The following RPAP1 variants were observed in gnomAD, a reference collection of about 807,000 sequenced individuals.
RPAP1 encodes the protein RNA polymerase II associated protein 1.
RPAP1 carries 109 observed loss-of-function variants against 142.4 expected under a neutral mutation model. That is an observed-to-expected ratio of 0.77 (90% confidence interval 0.66 to 0.90). The LOEUF (loss-of-function observed/expected upper bound fraction) is 0.90. Among genes scored for constraint, RPAP1 ranks in the 40% least tolerant of loss-of-function variants. RPAP1 has a pLI of 0.00. For missense variants in RPAP1, 1,546 were observed against 1,751.7 expected, an observed-to-expected ratio of 0.88 and a Z score of 2.10; for synonymous variants, 704 against 738.9, an observed-to-expected ratio of 0.95 and a Z score of 0.77.
chr15:41,537,219 T>A lies in RPAP1; in HGVS notation c.-76-18A>T. The A allele has an allele frequency of 1.6e-6, 2 of 1,251,976 alleles. No individual in the cohort carries two copies. Among genetic ancestry groups the A allele is most frequent in the Non-Finnish European group, 2.2e-6 (2 of 898,338 alleles). 77.6% of individuals were successfully genotyped at this position (1,251,976 alleles called of 1,614,324 possible). Reference sequence around the variant, plus strand: ...ATTCATCCCTAAGAGCAAGAAAGAATATGGGCCCTCTGCAACTGAACCCTG... The same window carrying A: ...ATTCATCCCTAAGAGCAAGAAAGAAAATGGGCCCTCTGCAACTGAACCCTG... On this transcript the variant is annotated intron_variant, in intron 1 of 24. Coordinates refer to ENST00000304330, the MANE Select transcript of RPAP1 (RefSeq NM_015540.4).
chr15:41,537,324 C>T (rs2051922311), intron 1 of RPAP1, 123 bp from the exon 2 acceptor site: 2 of 582,496 alleles, frequency 3.4e-6, no homozygotes, highest in Admixed American at 3.1e-5. Context: ...TCATACCTTA[C>T]TGCCATTCCC....
At chr15:41,535,437 A>C in intron 5 of RPAP1, 75 bp downstream of exon 5, 1 of 1,511,720 alleles carries the variant, frequency 6.6e-7, no homozygotes, top group Admixed American at 2.3e-5. Flanking sequence ...AGGCAGGAAG[A>C]CATATCTTCA....
Position 41,521,753 on chromosome 15 carries a change from C to A in RPAP1, c.3023G>T (p.Arg1008Leu). ...THELLLSCVF[R>L]LEFLPERTSG... is the part of the protein sequence containing the mutation. ...AAGCACTTACGGGAGGAACTCCAGC[C>A]GGAATACACAGCTCAGCAGCAGCTC... The change falls in exon 21 of 25, where the codon CGG (arginine) becomes CTG (leucine). Residue 1008 changes from arginine to leucine, a missense_variant. By Grantham distance (102) the Arg-to-Leu change is moderately radical. Around this residue, in one of 3 missense-constraint regions of RPAP1, gnomAD observed 1,333 missense variants for 1,486.6 expected, o/e 0.90. Transcript: ENST00000304330. 1 of 1,614,046 alleles carries A rather than the reference C, an allele frequency of 6.2e-7. No homozygotes were observed. The highest frequency in any genetic ancestry group is 1.1e-5 in the South Asian group (1 of 91,056).
At chr15:41,522,574 G>C (rs2051739160) in intron 19 of RPAP1, 191 bp downstream of exon 19, 1 of 575,452 alleles carries the variant, frequency 1.7e-6, no homozygotes, top group South Asian at 2.4e-5. Context: ...ATTTTTAGTA[G>C]AGATGGGGTT....
At position 41,520,734 on chromosome 15, in the gene RPAP1, G is replaced by A; in HGVS notation, c.3452C>T (p.Pro1151Leu). ...SWRPQALWAV[P>L]PAARLARLMC... ...GAGCCGTGCCAGGCGGGCAGCAGGG[G>A]GCACAGCCCAGAGAGCCTGGGGGCG... is the stretch of plus-strand genomic sequence containing the variant. The change falls in exon 22 of 25, where the codon CCC becomes CTC. Residue 1151 changes from proline to leucine, a missense_variant. Pro to Leu is a moderately conservative substitution (Grantham distance 98). Transcript: ENST00000304330. 6.2e-7 allele frequency: 1 copy of A among 1,613,954 alleles called. No homozygotes were observed. The highest frequency in any genetic ancestry group is 8.5e-7 in the Non-Finnish European group (1 of 1,180,030).
intron 7 of RPAP1, 45 bp downstream of exon 7, chr15:41,530,978 C>T (rs571601816): frequency 3.8e-6 from 6 of 1,562,084 alleles, no homozygotes; most frequent in South Asian, 3.4e-5. Context: ...GGGACAATTT[C>T]CCCTACTTTT....
chr15:41,524,056 G>A (rs749246867), intron 16 of RPAP1, 40 bp downstream of exon 16: 2 of 1,599,768 alleles, frequency 1.3e-6, no homozygotes, highest in Non-Finnish European at 1.7e-6. Context: ...CCCTGTGGAG[G>A]AGCCCTCCAC....
chr15:41,523,531 G>C (rs2051754370), intron 17 of RPAP1, among the ~76,000 whole-genome samples, 177 bp from the exon 18 acceptor site: 1 of 152,350 alleles, frequency 6.6e-6, no homozygotes, highest in African/African-American at 2.4e-5. Flanking sequence ...TAAAGAGGGA[G>C]CACACAGGCT....
intron 5 of RPAP1, 74 bp from the exon 6 acceptor site, chr15:41,535,009 T>TAGAAG: frequency 7.2e-7 from 1 of 1,393,214 alleles, no homozygotes; most frequent in Non-Finnish European, 9.9e-7. Flanking sequence ...CCTTCTTCTA[T>TAGAAG]AAGGCTATTA....
chr15:41,520,621 G>A lies in RPAP1; in HGVS notation c.3565C>T (p.Pro1189Ser), dbSNP rs1164723896. 1 of 1,614,100 alleles carries A rather than the reference G, an allele frequency of 6.2e-7. No individual in the cohort carries two copies. The highest frequency in any genetic ancestry group is 1.3e-5 in the African/African-American group (1 of 74,944). The change falls in exon 22 of 25, where the codon CCT (proline) becomes TCT (serine). Residue 1189 changes from proline to serine, a missense_variant. Pro to Ser is a moderately conservative substitution (Grantham distance 74, BLOSUM62 -1). This residue lies in a region of RPAP1 where 3 missense variants were observed against 17.1 expected (regional missense o/e 0.18). Transcript: ENST00000304330. ...VAALLAQLCQ[P>S]QVLPNLNLDC... The stretch of plus-strand genomic sequence containing the variant: ...AGGTTGAGGTTTGGCAAGACTTGAG[G>A]CTGACAGAGCTGGGCGAGGAGGGCT...
chr15:41,522,700 C>CATTA, intron 19 of RPAP1, 65 bp downstream of exon 19: 1 of 1,232,460 alleles, frequency 8.1e-7, no homozygotes, highest in Non-Finnish European at 1.1e-6. Flanking sequence ...CACCCTCCCA[C>CATTA]TTTCTTTCTG....
intron 14 of RPAP1, among the ~76,000 whole-genome samples, chr15:41,526,684 G>A (rs1352526416): frequency 6.6e-6 from 1 of 152,178 alleles, no homozygotes; most frequent in Non-Finnish European, 1.5e-5. Flanking sequence ...TACATCATGA[G>A]ACCACAGTAT....
At chr15:41,531,779 T>C (rs530683792) in intron 6 of RPAP1, among the ~76,000 whole-genome samples, 10 of 151,332 alleles carry the variant, frequency 6.6e-5, no homozygotes, top group African/African-American at 2.4e-4. Context: ...TAGCTGGGAT[T>C]AAAAGTGCCT....
intron 1 of RPAP1, among the ~76,000 whole-genome samples, chr15:41,541,125 T>C (rs1332317168): frequency 6.6e-6 from 1 of 152,040 alleles, no homozygotes; most frequent in East Asian, 1.9e-4. Context: ...GGCAAAGGTA[T>C]AGAAGCAGGG....
chr15:41,527,775 G>A, intron 11 of RPAP1, 85 bp downstream of exon 11: 1 of 1,554,238 alleles, frequency 6.4e-7, no homozygotes, highest in Non-Finnish European at 8.7e-7. Flanking sequence ...TGCCCGCAAA[G>A]CCTTAGCAAT....
intron 21 of RPAP1, 120 bp downstream of exon 21, chr15:41,521,618 A>C: frequency 9.0e-7 from 1 of 1,107,720 alleles, no homozygotes; most frequent in Non-Finnish European, 1.3e-6. Context: ...CGGAAGAGTT[A>C]AGTGTCGTCG....
At chr15:41,536,909 T>C in intron 2 of RPAP1, 36 bp downstream of exon 2, 1 of 1,604,644 alleles carries the variant, frequency 6.2e-7, no homozygotes, top group East Asian at 2.2e-5. Flanking sequence ...GGCTGTACCC[T>C]CTCTACTTCT....
Position 41,518,208 on chromosome 15 carries a change from A to AG in RPAP1, c.3796-27dup. ...CTGTGACAGGGGAAATGACGTGCTG[A>AG]GGGGGAGGGTAGGAATGTATATACA... On this transcript the variant is annotated intron_variant, in intron 22 of 24. Transcript: ENST00000304330. The AG allele has an allele frequency of 1.9e-6, 3 of 1,543,894 alleles. No homozygotes were observed. The South Asian group carries it at 3.8e-5, about 20-fold the overall frequency.
chr15:41,535,632 CCT>C lies in RPAP1; in HGVS notation c.421-2_421-1del. 6.2e-7 allele frequency: 1 copy of C among 1,609,358 alleles called. No homozygotes were observed. The highest frequency in any genetic ancestry group is 8.5e-7 in the Non-Finnish European group (1 of 1,178,718). ...CTCTTACCAGATGTTGCTGATTTCC[CCT>C]GTGGGGCAAAAAGAAAACCCAGGTT... On this transcript the variant is annotated splice_acceptor_variant, in intron 4 of 24. Transcript: ENST00000304330. LOFTEE classifies it high-confidence loss of function.
Sources: gnomAD v4.1 joint callset for allele counts (sites outside exome capture counted in the v4.1 genomes callset) on GRCh38, gnomAD v4.1.1 for gene constraint, gnomAD v4.1.1 regional missense constraint, MANE v1.5 for transcripts, NCBI Gene and HGNC (gene_info 2026-07-23, HGNC 2026-07-21) for gene names.